The following PTPRG variants were observed in gnomAD, a reference collection of about 807,000 sequenced individuals.
PTPRG encodes the protein protein tyrosine phosphatase receptor type G, also known as receptor-type tyrosine-protein phosphatase gamma.
In PTPRG, 102 loss-of-function variants were observed where a neutral mutation model predicts 165.3. The ratio of observed to expected loss-of-function variants is 0.62; its 90% CI spans 0.53 to 0.73. PTPRG has a LOEUF of 0.73. PTPRG is among the 30% of genes least tolerant of loss of function. The pLI is 0.00. For synonymous variants in PTPRG, 675 were observed against 669.5 expected (o/e 1.01, Z -0.13); for missense variants, 1,866 against 1,861.4 (o/e 1.00, Z -0.05).
At chr3:62,108,568 G>C (rs1318099304) in intron 5 of PTPRG, among the ~76,000 whole-genome samples, 4 of 152,198 alleles carry the variant, frequency 2.6e-5, no homozygotes, top group Non-Finnish European at 5.9e-5. Flanking sequence ...CCAGTAATGG[G>C]ATTGCTGGGT....
intron 10 of PTPRG, among the ~76,000 whole-genome samples, chr3:62,196,031 G>T (rs957150939): frequency 2.0e-5 from 3 of 151,614 alleles, no homozygotes; most frequent in Admixed American, 2.0e-4. Context: ...TTCGTGATCT[G>T]CCTGCCTTAG....
At chr3:62,153,558 T>TAA (rs374620146) in intron 6 of PTPRG, among the ~76,000 whole-genome samples, 4 of 147,022 alleles carry the variant, frequency 2.7e-5, no homozygotes, top group African/African-American at 1.0e-4. Context: ...GTAATCCAGT[T>TAA]AAAAAAAAAA....
chr3:61,571,218 G>A (rs1479721682), intron 1 of PTPRG, among the ~76,000 whole-genome samples: 1 of 152,240 alleles, frequency 6.6e-6, no homozygotes, highest in Non-Finnish European at 1.5e-5. Flanking sequence ...GGAAACTAAA[G>A]TTGAAGAAGG....
rs376518019 is a variant in PTPRG at position 61,913,776 on chromosome 3, G to A, written c.191-75849G>A. Among the ~76,000 whole-genome samples, 7 of 152,242 alleles carry A rather than the reference G, an allele frequency of 4.6e-5. No individual in the cohort carries two copies. The East Asian group carries it at 7.7e-4, about 17-fold the overall frequency. Reference sequence around the variant, plus strand: ...CCCATGGCTGGATGAGCATTACCTCGTTCATTACACCTGAAGTGAACATAC... The same window carrying A: ...CCCATGGCTGGATGAGCATTACCTCATTCATTACACCTGAAGTGAACATAC... On this transcript the variant is annotated intron_variant, in intron 2 of 29. Transcript: ENST00000474889.
intron 2 of PTPRG, among the ~76,000 whole-genome samples, chr3:61,893,959 C>T (rs2038282700): frequency 6.6e-6 from 1 of 152,010 alleles, no homozygotes; most frequent in African/African-American, 2.4e-5. Context: ...GTATTTGGGA[C>T]TGATAGAGAA....
At chr3:61,935,286 C>T (rs552860919) in intron 2 of PTPRG, among the ~76,000 whole-genome samples, 2 of 152,314 alleles carry the variant, frequency 1.3e-5, no homozygotes, top group Admixed American at 1.3e-4. Flanking sequence ...CACAGCTTCT[C>T]AGTTTTGCAA....
At chr3:62,156,585 T>A (rs890221524) in intron 6 of PTPRG, among the ~76,000 whole-genome samples, 11 of 152,186 alleles carry the variant, frequency 7.2e-5, no homozygotes, top group African/African-American at 2.7e-4. Context: ...TACTGGTGAC[T>A]TACAGTTTTC....
At chr3:62,275,583 G>T (rs1702203797) in intron 23 of PTPRG, among the ~76,000 whole-genome samples, 1 of 152,158 alleles carries the variant, frequency 6.6e-6, no homozygotes, top group South Asian at 2.1e-4. Context: ...GGAAACACAG[G>T]AAGACCCCAA....
rs116534259 is a variant in PTPRG at position 62,070,246 on chromosome 3, G to A, written c.520-7917G>A. 8.5e-3 allele frequency among the ~76,000 whole-genome samples: 1,287 copies of A among 152,294 alleles called. 22 individuals carry two copies. The highest frequency in any genetic ancestry group is 0.012 in the Non-Finnish European group (825 of 68,010). On this transcript the variant is annotated intron_variant, in intron 4 of 29. Coordinates refer to ENST00000474889, the MANE Select transcript of PTPRG (RefSeq NM_002841.4). Reference sequence around the variant, plus strand: ...ATCTGTATTTAGCAGAACCATACCTGGAGTCACTTGGCCATTTCACAGTGA... The same window carrying A: ...ATCTGTATTTAGCAGAACCATACCTAGAGTCACTTGGCCATTTCACAGTGA...
chr3:61,842,584 A>C (rs1009573744), intron 2 of PTPRG, among the ~76,000 whole-genome samples: 2 of 152,058 alleles, frequency 1.3e-5, no homozygotes, highest in African/African-American at 4.8e-5. Context: ...ATTATGCTGT[A>C]ACAGAGATTT....
chr3:61,986,233 T>C (rs2040759370), intron 2 of PTPRG, among the ~76,000 whole-genome samples: 1 of 151,538 alleles, frequency 6.6e-6, no homozygotes, highest in Non-Finnish European at 1.5e-5. Flanking sequence ...TAAAAATATG[T>C]TTTAAGGGCT....
intron 28 of PTPRG, 32 bp from the exon 29 acceptor site, chr3:62,292,389 C>A (rs950825219): frequency 5.6e-6 from 9 of 1,598,640 alleles, no homozygotes; most frequent in East Asian, 2.2e-5. Flanking sequence ...CTTTGTACAT[C>A]TGAAATCGTA....
chr3:62,283,251 G>GAAATAACCTTTAAAAATATGA (rs1395440604), intron 28 of PTPRG, among the ~76,000 whole-genome samples: 18 of 152,160 alleles, frequency 1.2e-4, no homozygotes, highest in Admixed American at 3.9e-4. Flanking sequence ...ACTTGTTAGG[G>GAAATAACCTTTAAAAATATGA]AAATAACCTT....
At chr3:62,287,425 A>G (rs1013677380) in intron 28 of PTPRG, among the ~76,000 whole-genome samples, 1 of 152,196 alleles carries the variant, frequency 6.6e-6, no homozygotes, top group Non-Finnish European at 1.5e-5. Flanking sequence ...AGAGATCTAA[A>G]GGAAGATTTT....
intron 2 of PTPRG, among the ~76,000 whole-genome samples, chr3:61,797,157 C>T (rs887127533): frequency 6.6e-6 from 1 of 152,236 alleles, no homozygotes; most frequent in Non-Finnish European, 1.5e-5. Context: ...TTTCCATCAT[C>T]TGTGAAATAC....
In PTPRG at chr3:62,203,105, A is replaced by G. The variant is rs1433069476; in HGVS notation, c.1378-68A>G. On this transcript the variant is annotated intron_variant, in intron 11 of 29. Transcript: ENST00000474889. The surrounding 1 kb of genome is among the most constrained non-coding windows in gnomAD (Gnocchi z 6.4). ...AACCAGGGCCTCATTCCCAATCTCA[A>G]TTACTGATGCTTCTCTGCTTTTTCT... 4.6e-6 allele frequency: 7 copies of G among 1,520,308 alleles called. No homozygotes were observed. The highest frequency in any genetic ancestry group is 1.8e-4 in the Middle Eastern group (1 of 5,522). 94.2% of individuals were successfully genotyped at this position (1,520,308 alleles called of 1,614,324 possible). A position where few individuals can be genotyped will look rare whatever the true frequency, so the allele number is the denominator to read the frequency against.
At chr3:61,623,829 C>CT (rs766122631) in intron 1 of PTPRG, among the ~76,000 whole-genome samples, 36 of 152,316 alleles carry the variant, frequency 2.4e-4, no homozygotes, top group Non-Finnish European at 3.5e-4. Flanking sequence ...AGGATTATAA[C>CT]TATCACTTGA....
At chr3:62,100,556 A>G (rs1316835102) in intron 5 of PTPRG, among the ~76,000 whole-genome samples, 2 of 152,150 alleles carry the variant, frequency 1.3e-5, no homozygotes, top group Non-Finnish European at 2.9e-5. Context: ...GACATATGCC[A>G]GATTTGCCTG....
At chr3:61,788,875 C>A (rs1258683696) in intron 2 of PTPRG, among the ~76,000 whole-genome samples, 1 of 152,128 alleles carries the variant, frequency 6.6e-6, no homozygotes. Flanking sequence ...GTTTGCTGAA[C>A]CCTTTTCTAG....
Sources: allele counts gnomAD v4.1 joint callset (sites outside exome capture counted in the v4.1 genomes callset), GRCh38; gene constraint gnomAD v4.1.1; non-coding constraint Gnocchi (gnomAD v3.1); transcripts MANE v1.5; gene names NCBI Gene and HGNC (gene_info 2026-07-23, HGNC 2026-07-21).